Variants in AKAP9 observed in about 807,000 individuals in gnomAD.
AKAP9 encodes the protein A-kinase anchoring protein 9.
Under a neutral mutation model 488.5 loss-of-function variants are expected in AKAP9, and 311 were observed. That is an observed-to-expected ratio of 0.64 (90% CI 0.58 to 0.70). AKAP9 has a LOEUF of 0.70. Ranked by LOEUF, AKAP9 falls within the 30% of genes least tolerant of loss-of-function variation. The pLI, the probability that AKAP9 is intolerant of heterozygous loss-of-function variation, is 0.00. For synonymous variants in AKAP9, 1,462 were observed against 1,483.5 expected, an observed-to-expected ratio of 0.99 and a Z score of 0.33; for missense variants, 4,215 against 4,374.5, an observed-to-expected ratio of 0.96 and a Z score of 1.03.
At chr7:92,105,987 G>A (rs543461915) in intron 47 of AKAP9, among the ~76,000 whole-genome samples, 1 of 152,346 alleles carries the variant, frequency 6.6e-6, no homozygotes, top group South Asian at 2.1e-4. Flanking sequence ...CACATGTGAG[G>A]AATCTAGGTT....
chr7:92,102,481 CTACT>C (rs1817724514), intron 45 of AKAP9, 109 bp from the exon 46 acceptor site: 5 of 736,854 alleles, frequency 6.8e-6, no homozygotes, highest in South Asian at 3.1e-5. Context: ...ACTACTACTA[CTACT>C]ACTACCACCA....
chr7:91,970,724 T>C (rs1794973806), intron 1 of AKAP9, among the ~76,000 whole-genome samples: 1 of 152,224 alleles, frequency 6.6e-6, no homozygotes, highest in South Asian at 2.1e-4. Flanking sequence ...GCCAGACGAA[T>C]TGTAGCTCTT....
Position 91,971,560 on chromosome 7 carries a change from C to CTTTT in AKAP9, c.49-2129_49-2126dup, listed in dbSNP as rs71107844. ...GTTTCTTGTGGATATACATCTATTTCTTTTTTTTTTTTTTTTTTTTTTTTT... is the reference window on the plus strand; with the variant it reads ...GTTTCTTGTGGATATACATCTATTTCTTTTTTTTTTTTTTTTTTTTTTTTTTTTT... On this transcript the variant is annotated intron_variant, in intron 1 of 49. Transcript: ENST00000356239. Among the ~76,000 whole-genome samples, 273 of 68,558 alleles carry CTTTT rather than the reference C, an allele frequency of 4.0e-3. 1 individual carries two copies. The highest frequency in any genetic ancestry group is 5.9e-3 in the East Asian group (13 of 2,206). 45.0% of individuals were successfully genotyped at this position (68,558 alleles called of 152,430 possible).
intron 1 of AKAP9, among the ~76,000 whole-genome samples, chr7:91,961,738 G>A (rs1793758134): frequency 6.6e-6 from 1 of 151,782 alleles, no homozygotes; most frequent in African/African-American, 2.4e-5. Flanking sequence ...CAGCTACTCG[G>A]GAGGCTGAGT....
intron 8 of AKAP9, among the ~76,000 whole-genome samples, chr7:92,009,076 C>T (rs936631250): frequency 4.6e-5 from 7 of 151,724 alleles, no homozygotes; most frequent in African/African-American, 1.7e-4. Flanking sequence ...CCCAGTGCTT[C>T]GGATGGCTGA....
chr7:92,081,490 TA>T (rs1813554123), intron 31 of AKAP9, among the ~76,000 whole-genome samples: 5 of 118,436 alleles, frequency 4.2e-5, no homozygotes, highest in African/African-American at 1.8e-4. Context: ...TATATATATA[TA>T]TATATATTTT....
intron 28 of AKAP9, 51 bp from the exon 29 acceptor site, chr7:92,076,804 A>G (rs1812654929): frequency 3.5e-6 from 4 of 1,131,688 alleles, no homozygotes; most frequent in Non-Finnish European, 5.0e-6. Context: ...TTTTATCTTG[A>G]TAAACGTTTG....
At chr7:91,976,016 C>T (rs1204139921) in intron 2 of AKAP9, among the ~76,000 whole-genome samples, 2 of 150,752 alleles carry the variant, frequency 1.3e-5, no homozygotes, top group Non-Finnish European at 3.0e-5. Flanking sequence ...GCAGTCTCCA[C>T]CTCCCAGGTT....
At chr7:92,108,105 T>A (rs1006432227) in intron 48 of AKAP9, among the ~76,000 whole-genome samples, 2 of 152,214 alleles carry the variant, frequency 1.3e-5, no homozygotes, top group African/African-American at 4.8e-5. Context: ...TGTAACTGAT[T>A]TCCAAGGGTA....
chr7:91,991,818 G>A (rs1179255185), intron 3 of AKAP9, among the ~76,000 whole-genome samples: 4 of 152,156 alleles, frequency 2.6e-5, no homozygotes, highest in African/African-American at 9.7e-5. Flanking sequence ...ATAATTATTT[G>A]AACCATTTTA....
chr7:92,061,118 A>G (rs1239974082), intron 22 of AKAP9, 142 bp from the exon 23 acceptor site: 12 of 954,150 alleles, frequency 1.3e-5, no homozygotes, highest in Non-Finnish European at 1.9e-5. Context: ...TAATCTTAGC[A>G]TACACTGGCA....
Position 91,998,418 on chromosome 7 carries a change from C to CTTTT in AKAP9, c.931-2396_931-2393dup, listed in dbSNP as rs60778133. Among the ~76,000 whole-genome samples the CTTTT allele has an allele frequency of 4.4e-3, 237 of 53,988 alleles. 76 individuals carry two copies. Among genetic ancestry groups the CTTTT allele is most frequent in the Non-Finnish European group, 6.9e-3 (173 of 25,222 alleles). The allele number at this position is 53,988 out of a possible 152,430, so 35.4% of individuals were successfully genotyped here. A position where few individuals can be genotyped will look rare whatever the true frequency, so the allele number is the denominator to read the frequency against. ...AGATAGTGTATTCAACCACAGGGCT[C>CTTTT]TTTTTTTTTTTTTTTTTTTTTTTTT... On this transcript the variant is annotated intron_variant, in intron 7 of 49. Transcript: ENST00000356239.
At position 92,062,385 on chromosome 7, in the gene AKAP9, T is replaced by C. The variant is rs753242397; in HGVS notation, c.5876T>C (p.Leu1959Ser). 5 of 1,613,752 alleles carry C rather than the reference T, an allele frequency of 3.1e-6. No individual in the cohort carries two copies. In the South Asian group the frequency reaches 5.5e-5, roughly 18 times the overall value. ...GAGTTGTTATGTGCAAGTAACAGGT[T>C]GCAAGAATTGGAGGCAGAGCAACAG... ...EQELLCASNR[L>S]QELEAEQQQI... Residue 1959 changes from leucine (L) to serine (S), a missense_variant, in exon 24 of 50, where the codon TTG becomes TCG. Physicochemically the swap from Leu to Ser is moderately radical, Grantham distance 145. Around this residue, in one of 5 missense-constraint regions of AKAP9, gnomAD observed 2,361 missense variants for 2,430.0 expected, o/e 0.97. Transcript: ENST00000356239.
intron 12 of AKAP9, among the ~76,000 whole-genome samples, chr7:92,021,875 A>T (rs887620332): frequency 2.0e-5 from 3 of 152,224 alleles, no homozygotes; most frequent in Non-Finnish European, 2.9e-5. Flanking sequence ...TTAATCAAGT[A>T]TTGCTAATAT....
chr7:92,055,132 C>T (rs1753705281), intron 22 of AKAP9, among the ~76,000 whole-genome samples: 1 of 151,860 alleles, frequency 6.6e-6, no homozygotes. Context: ...GTAATTTATT[C>T]CCATGGAATT....
intron 38 of AKAP9, chr7:92,092,329 A>G (rs1815772491): frequency 6.6e-6 from 1 of 152,318 alleles, no homozygotes; most frequent in African/African-American, 2.4e-5. Flanking sequence ...ACAGACTCCT[A>G]TTAAAGTTCC....
chr7:91,980,735 G>T (rs1461179012), intron 3 of AKAP9, among the ~76,000 whole-genome samples: 2 of 151,720 alleles, frequency 1.3e-5, no homozygotes, highest in African/African-American at 4.8e-5. Flanking sequence ...TTAATCATAT[G>T]AACTTGTTTA....
At chr7:91,945,672 C>T (rs191534464) in intron 1 of AKAP9, among the ~76,000 whole-genome samples, 1 of 152,314 alleles carries the variant, frequency 6.6e-6, no homozygotes, top group African/African-American at 2.4e-5. Flanking sequence ...AGATGTGAGA[C>T]ATTACTGCAT....
intron 3 of AKAP9, among the ~76,000 whole-genome samples, chr7:91,987,560 C>T (rs1283996229): frequency 2.6e-5 from 4 of 152,132 alleles, no homozygotes; most frequent in African/African-American, 7.2e-5. Context: ...TATAGATTCA[C>T]TATGTCTAGA....
Sources: allele counts gnomAD v4.1 joint callset (sites outside exome capture counted in the v4.1 genomes callset), GRCh38; gene constraint gnomAD v4.1.1; regional missense constraint gnomAD v4.1.1; transcripts MANE v1.5; gene names NCBI Gene and HGNC (gene_info 2026-07-23, HGNC 2026-07-21).